SUGCT: variants seen among roughly 807,000 people sequenced by gnomAD.
The protein encoded by SUGCT is succinyl-CoA:glutarate CoA-transferase.
SUGCT carries 41 observed loss-of-function variants against 55.0 expected under a neutral mutation model. The observed-to-expected ratio is 0.74, with a 90% CI of 0.58 to 0.97. The LOEUF is 0.97. Ranked by LOEUF, SUGCT falls within the 50% of genes least tolerant of loss-of-function variation. SUGCT has a pLI of 0.00. For synonymous variants in SUGCT, 187 were observed against 200.4 expected, an observed-to-expected ratio of 0.93 and a Z score of 0.56; for missense variants, 568 against 547.8, an observed-to-expected ratio of 1.04 and a Z score of -0.37.
chr7:40,292,428 G>A (rs1584593418), intron 8 of SUGCT, among the ~76,000 whole-genome samples: 1 of 152,126 alleles, frequency 6.6e-6, no homozygotes, highest in African/African-American at 2.4e-5. Context: ...CAGGATAGAC[G>A]ACAATTCAGA....
intron 13 of SUGCT, among the ~76,000 whole-genome samples, chr7:40,854,467 T>TCTTC (rs1239604209): frequency 9.4e-5 from 14 of 148,234 alleles, no homozygotes; most frequent in African/African-American, 3.1e-4. Context: ...TTTCTTTCTT[T>TCTTC]CTTTCTTTCT....
intron 13 of SUGCT, among the ~76,000 whole-genome samples, chr7:40,832,213 G>A (rs1792710353): frequency 6.6e-6 from 1 of 152,134 alleles, no homozygotes. Flanking sequence ...GCATCCAACA[G>A]TTCTGGTTCT....
intron 13 of SUGCT, among the ~76,000 whole-genome samples, chr7:40,775,989 C>A (rs922373244): frequency 6.6e-6 from 1 of 152,170 alleles, no homozygotes; most frequent in African/African-American, 2.4e-5. Flanking sequence ...CAGATGACCT[C>A]CTGGCCACTC....
chr7:40,366,409 C>G (rs1783969297), intron 9 of SUGCT, among the ~76,000 whole-genome samples: 1 of 152,002 alleles, frequency 6.6e-6, no homozygotes. Flanking sequence ...CCAAAATTGA[C>G]AAATGGGATC....
chr7:41,010,057 G>A, the SUGCT span, among the ~76,000 whole-genome samples: 2 of 152,210 alleles, frequency 1.3e-5, no homozygotes, highest in Non-Finnish European at 2.9e-5. Context: ...CAGAGAGATG[G>A]AGAGTTCAGA....
the SUGCT span, among the ~76,000 whole-genome samples, chr7:41,031,993 CAATG>C: frequency 0.017 from 2,577 of 151,328 alleles, 25 homozygotes; most frequent in African/African-American, 0.028. Context: ...AGTAGGGTCT[CAATG>C]AATGAATGAA....
rs1785766297 is a variant in SUGCT, at chr7:40,189,528, A to ATATT, written c.313-15_313-14insATTT. On this transcript the variant is annotated splice_polypyrimidine_tract_variant and intron_variant, in intron 4 of 13. Transcript: ENST00000335693. ...TCATCGAAATAATATATATATATAT[A>ATATT]TTTTTTAATTTTTAGAGTATTGCTG... The ATATT allele has an allele frequency of 1.0e-6, 1 of 980,938 alleles. No homozygotes were observed. The highest frequency in any genetic ancestry group is 1.4e-6 in the Non-Finnish European group (1 of 738,808). 60.8% of individuals were successfully genotyped at this position (980,938 alleles called of 1,614,324 possible).
chr7:40,906,332 T>A, the SUGCT span, among the ~76,000 whole-genome samples: 1 of 152,096 alleles, frequency 6.6e-6, no homozygotes, highest in East Asian at 1.9e-4. Context: ...TTCATCCAAA[T>A]CAGAGAGAAC....
chr7:40,534,432 T>C (rs187820925), intron 12 of SUGCT, among the ~76,000 whole-genome samples: 2 of 152,282 alleles, frequency 1.3e-5, no homozygotes, highest in Non-Finnish European at 2.9e-5. Flanking sequence ...TCGCCTAGGC[T>C]TTAGTGCAGT....
intron 4 of SUGCT, 36 bp from the exon 5 acceptor site, chr7:40,189,508 G>T: frequency 3.8e-6 from 3 of 781,678 alleles, no homozygotes; most frequent in East Asian, 4.3e-5. Flanking sequence ...TTTGGTCATC[G>T]AAATAATATA....
At chr7:40,881,585 G>A in the SUGCT span, among the ~76,000 whole-genome samples, 1 of 152,200 alleles carries the variant, frequency 6.6e-6, no homozygotes, top group Non-Finnish European at 1.5e-5. Flanking sequence ...CCCATATCCT[G>A]ATATAAAAGA....
chr7:40,837,833 C>T (rs1314272940), intron 13 of SUGCT, among the ~76,000 whole-genome samples: 2 of 152,060 alleles, frequency 1.3e-5, no homozygotes, highest in African/African-American at 2.4e-5. Flanking sequence ...AGGCTGGTCC[C>T]GACCTCCTGA....
the SUGCT span, among the ~76,000 whole-genome samples, chr7:40,872,850 C>T: frequency 1.3e-5 from 2 of 152,160 alleles, no homozygotes; most frequent in East Asian, 3.9e-4. Context: ...TCATACCTTC[C>T]TTGGCACACC....
chr7:40,681,423 T>A (rs1784237684), intron 12 of SUGCT, among the ~76,000 whole-genome samples: 2 of 152,136 alleles, frequency 1.3e-5, no homozygotes, highest in African/African-American at 4.8e-5. Flanking sequence ...GGGTAGAGGT[T>A]CCAGGAGAGT....
rs572987344 is a variant in SUGCT at position 40,336,034 on chromosome 7, A to G, written c.816+19179A>G. ...GTGGTTTTTGTTTTTGGTTCTGTTTATATGCTGGATTACGTTTATTGATTT... is the reference window on the plus strand; with the variant it reads ...GTGGTTTTTGTTTTTGGTTCTGTTTGTATGCTGGATTACGTTTATTGATTT... On this transcript the variant is annotated intron_variant, in intron 9 of 13. Transcript: ENST00000335693. Among the ~76,000 whole-genome samples the G allele has an allele frequency of 1.1e-3, 175 of 152,248 alleles. 1 individual carries two copies. Among genetic ancestry groups the G allele is most frequent in the African/African-American group, 4.0e-3 (168 of 41,538 alleles).
chr7:40,766,629 A>G (rs1244748461), intron 13 of SUGCT, among the ~76,000 whole-genome samples: 1 of 152,188 alleles, frequency 6.6e-6, no homozygotes, highest in Non-Finnish European at 1.5e-5. Context: ...TGAAGCAAAT[A>G]ATTTTTTCCT....
chr7:40,170,728 G>C (rs544949970), intron 1 of SUGCT, among the ~76,000 whole-genome samples: 1 of 151,456 alleles, frequency 6.6e-6, no homozygotes, highest in Non-Finnish European at 1.5e-5. Context: ...CTGGAGTCTA[G>C]TGGTCCTTTA....
chr7:40,949,649 A>T, the SUGCT span, among the ~76,000 whole-genome samples: 125 of 152,258 alleles, frequency 8.2e-4, no homozygotes, highest in African/African-American at 2.9e-3. Flanking sequence ...TAAGGAAGGG[A>T]TCCAGTTTCA....
intron 13 of SUGCT, among the ~76,000 whole-genome samples, chr7:40,798,824 G>A (rs1462215168): frequency 6.6e-6 from 1 of 152,156 alleles, no homozygotes; most frequent in Non-Finnish European, 1.5e-5. Context: ...AGCTGACTTA[G>A]CACTTAACAG....
Sources: allele counts gnomAD v4.1 joint callset (sites outside exome capture counted in the v4.1 genomes callset), GRCh38; gene constraint gnomAD v4.1.1; transcripts MANE v1.5; gene names NCBI Gene and HGNC (gene_info 2026-07-23, HGNC 2026-07-21).